The following SERPINA1 variants were observed in gnomAD, a reference collection of about 807,000 sequenced individuals.
The protein encoded by SERPINA1 is serpin family A member 1.
Under a neutral mutation model 25.4 loss-of-function variants are expected in SERPINA1, and 21 were observed. The ratio of observed to expected loss-of-function variants is 0.83; its 90% CI spans 0.59 to 1.19. The LOEUF is 1.19. Among genes scored for constraint, SERPINA1 ranks in the 50% most tolerant of loss-of-function variants. The pLI is 0.00. For missense variants in SERPINA1, 546 were observed against 509.0 expected (o/e 1.07, Z -0.70); for synonymous variants, 218 against 211.1 (o/e 1.03, Z -0.29).
Position 94,379,526 on chromosome 14 carries a change from C to A in SERPINA1, c.1003G>T (p.Val335Phe), listed in dbSNP as rs190061930. Residue 335 changes from valine (V) to phenylalanine (F), a missense_variant, in exon 4 of 5, where the codon GTC becomes TTC. Val to Phe is a conservative substitution (Grantham distance 50). Coordinates refer to ENST00000393087, the MANE Select transcript of SERPINA1 (RefSeq NM_000295.5). ...SVLGQLGITK[V>F]FSNGADLSGV... Reference sequence around the variant, plus strand: ...GAGAGGTCAGCCCCATTGCTGAAGACCTTAGTGATGCCCAGTTGACCCAGG... The same window carrying A: ...GAGAGGTCAGCCCCATTGCTGAAGAACTTAGTGATGCCCAGTTGACCCAGG... 6.2e-7 allele frequency: 1 copy of A among 1,612,184 alleles called. No homozygotes were observed. The highest frequency in any genetic ancestry group is 8.5e-7 in the Non-Finnish European group (1 of 1,179,358).
At chr14:94,386,488 G>A (rs981124905) in intron 1 of SERPINA1, among the ~76,000 whole-genome samples, 34 of 152,174 alleles carry the variant, frequency 2.2e-4, no homozygotes, top group African/African-American at 8.0e-4. Context: ...TTACTGGCAG[G>A]GGGCCTGGGG....
intron 4 of SERPINA1, chr14:94,379,223 C>T (rs1896651480): frequency 1.6e-6 from 1 of 612,194 alleles, no homozygotes; most frequent in Admixed American, 2.8e-5. Context: ...AGTTGAAATT[C>T]AGGGTCAGTG....
At chr14:94,390,478 C>T (rs1897625342), upstream of SERPINA1, 1 of 152,436 alleles carries the variant, frequency 6.6e-6, no homozygotes, top group Admixed American at 6.5e-5. Flanking sequence ...TCCTCAAGCT[C>T]TCCTCAAGCT....
Position 94,383,095 on chromosome 14 carries a change from T to C in SERPINA1, c.143A>G (p.Asn48Ser). 1 of 1,614,162 alleles carries C rather than the reference T, an allele frequency of 6.2e-7. No individual in the cohort carries two copies. The highest frequency in any genetic ancestry group is 8.5e-7 in the Non-Finnish European group (1 of 1,180,014). ...SHHDQDHPTF[N>S]KITPNLAEFA... ...CTCAGCCAGGTTGGGGGTGATCTTG[T>C]TGAAGGTTGGGTGATCCTGATCATG... Residue 48 changes from asparagine to serine, a missense_variant, in exon 2 of 5, where the codon AAC becomes AGC. Asn to Ser is a conservative substitution (Grantham distance 46). Transcript: ENST00000393087.
In SERPINA1 at chr14:94,382,704, C is replaced by A; in HGVS notation, c.534G>T (p.Lys178Asn). 1 of 1,614,248 alleles carries A rather than the reference C, an allele frequency of 6.2e-7. No homozygotes were observed. The highest frequency in any genetic ancestry group is 8.5e-7 in the Non-Finnish European group (1 of 1,180,044). Reference sequence around the variant, plus strand: ...TCTCCACGTAATCGTTGATCTGTTTCTTGGCCTCTTCGGTGTCCCCGAAGT... The same window carrying A: ...TCTCCACGTAATCGTTGATCTGTTTATTGGCCTCTTCGGTGTCCCCGAAGT... The part of the protein sequence containing the change: ...TVNFGDTEEA[K>N]KQINDYVEKG... The change falls in exon 2 of 5, where the codon AAG becomes AAT. Residue 178 changes from lysine to asparagine, a missense_variant. By Grantham distance (94) the Lys-to-Asn change is moderately conservative. Transcript: ENST00000393087.
At position 94,383,066 on chromosome 14, in the gene SERPINA1, C is replaced by T. The variant is rs149319176; in HGVS notation, c.172G>A (p.Ala58Thr). 32 of 1,613,972 alleles carry T rather than the reference C, an allele frequency of 2.0e-5. No individual in the cohort carries two copies. The highest frequency in any genetic ancestry group is 1.8e-4 in the Admixed American group (11 of 60,010). ...NKITPNLAEFAFSLYRQLAHQ... is the reference protein window; with the variant it reads ...NKITPNLAEFTFSLYRQLAHQ... ...GCCAGCTGGCGGTATAGGCTGAAGG[C>T]GAACTCAGCCAGGTTGGGGGTGATC... The change falls in exon 2 of 5, where the codon GCC (alanine) becomes ACC (threonine). Residue 58 changes from alanine (A) to threonine (T), a missense_variant. Physicochemically the swap from Ala to Thr is moderately conservative, Grantham distance 58. Transcript: ENST00000393087.
At chr14:94,381,170 A>C in intron 2 of SERPINA1, 29 bp from the exon 3 acceptor site, 1 of 1,606,308 alleles carries the variant, frequency 6.2e-7, no homozygotes, top group Non-Finnish European at 8.5e-7. Flanking sequence ...GGGCATCACC[A>C]GGGGTGAGTG....
intron 1 of SERPINA1, among the ~76,000 whole-genome samples, chr14:94,388,109 A>G (rs1288442215): frequency 1.3e-5 from 2 of 151,992 alleles, no homozygotes; most frequent in Non-Finnish European, 2.9e-5. Context: ...CATCTATAGA[A>G]GGGGAGAAAG....
At chr14:94,390,535 A>T (rs1897629740), upstream of SERPINA1, 1 of 152,308 alleles carries the variant, frequency 6.6e-6, no homozygotes, top group Non-Finnish European at 1.5e-5. Context: ...GGCTGGCAGG[A>T]GGTTGCCGCC....
intron 4 of SERPINA1, chr14:94,379,089 A>G (rs1267108374): frequency 5.3e-6 from 3 of 561,062 alleles, no homozygotes; most frequent in East Asian, 6.0e-5. Context: ...GAAATCATTC[A>G]TTAATTCAGA....
intron 1 of SERPINA1, among the ~76,000 whole-genome samples, chr14:94,385,109 G>A (rs1897204998): frequency 6.6e-6 from 1 of 152,240 alleles, no homozygotes; most frequent in Non-Finnish European, 1.5e-5. Context: ...CATCATTACA[G>A]GGCTCAGTGG....
At chr14:94,380,257 AACTAGATCAGC>A (rs1428196465) in intron 3 of SERPINA1, among the ~76,000 whole-genome samples, 1 of 152,282 alleles carries the variant, frequency 6.6e-6, no homozygotes, top group Admixed American at 6.5e-5. Flanking sequence ...GTACAAAACG[AACTAGATCAGC>A]AGGGCATGGG....
Position 94,378,443 on chromosome 14 carries a change from A to G in SERPINA1, c.*6T>C. The G allele has an allele frequency of 3.1e-6, 5 of 1,613,500 alleles. No individual in the cohort carries two copies. The highest frequency in any genetic ancestry group is 4.2e-6 in the Non-Finnish European group (5 of 1,179,498). On this transcript the variant is annotated 3_prime_UTR_variant, in exon 5 of 5. Transcript: ENST00000393087. ...TGGAGGGGAGGGGTTGAGGAGCGAG[A>G]GGCAGTTATTTTTGGGTGGGATTCA...
chr14:94,388,326 T>TCC (rs1897425441), intron 1 of SERPINA1, among the ~76,000 whole-genome samples: 1 of 152,026 alleles, frequency 6.6e-6, no homozygotes. Flanking sequence ...AACCAGTGTA[T>TCC]CCACCAGGAG....
chr14:94,378,918 G>A (rs1424500501), intron 4 of SERPINA1, among the ~76,000 whole-genome samples: 1 of 152,238 alleles, frequency 6.6e-6, no homozygotes, highest in East Asian at 1.9e-4. Context: ...TCTGCCTCCA[G>A]GGCTCTCTCC....
At chr14:94,379,932 C>G (rs58672820) in intron 3 of SERPINA1, among the ~76,000 whole-genome samples, 2,117 of 152,386 alleles carry the variant, frequency 0.014, 43 homozygotes, top group African/African-American at 0.049. Flanking sequence ...CCCCAGGGCC[C>G]TACACCCAGA....
At chr14:94,382,402 C>T (rs1336232300) in intron 2 of SERPINA1, among the ~76,000 whole-genome samples, 190 bp downstream of exon 2, 13 of 152,224 alleles carry the variant, frequency 8.5e-5, no homozygotes, top group Admixed American at 3.3e-4. Flanking sequence ...ACAGTTTAAT[C>T]TATTATTTCC....
intron 2 of SERPINA1, among the ~76,000 whole-genome samples, chr14:94,381,988 G>T (rs142494255): frequency 6.6e-6 from 1 of 152,200 alleles, no homozygotes; most frequent in Non-Finnish European, 1.5e-5. Context: ...CCCCTCAGGG[G>T]CAGGAAGGCA....
chr14:94,387,721 C>G (rs1897375453), intron 1 of SERPINA1, among the ~76,000 whole-genome samples: 1 of 152,148 alleles, frequency 6.6e-6, no homozygotes, highest in South Asian at 2.1e-4. Flanking sequence ...GAGCCAGGTG[C>G]CTGAGCCCGA....
Sources: gnomAD v4.1 joint callset for allele counts (sites outside exome capture counted in the v4.1 genomes callset) on GRCh38, gnomAD v4.1.1 for gene constraint, MANE v1.5 for transcripts, NCBI Gene and HGNC (gene_info 2026-07-23, HGNC 2026-07-21) for gene names.